The following SP100 variants were observed in gnomAD, a reference collection of about 807,000 sequenced individuals.
SP100 encodes SP100 nuclear body protein, also known as nuclear autoantigen Sp-100.
In SP100, 84 loss-of-function variants were observed where a neutral mutation model predicts 130.0. The ratio of observed to expected loss-of-function variants is 0.65; its 90% CI spans 0.54 to 0.77. The LOEUF (loss-of-function observed/expected upper bound fraction) is 0.77. SP100 is among the 30% of genes least tolerant of loss of function. The pLI, the probability that SP100 is intolerant of heterozygous loss-of-function variation, is 0.00. For synonymous variants in SP100, 331 were observed against 351.7 expected, an observed-to-expected ratio of 0.94 and a Z score of 0.66; for missense variants, 978 against 1,052.2, an observed-to-expected ratio of 0.93 and a Z score of 0.97.
chr2:230,449,675 C>G lies in SP100; in HGVS notation c.701C>G (p.Thr234Arg), dbSNP rs577953941. 1 of 1,614,144 alleles carries G rather than the reference C, an allele frequency of 6.2e-7. No homozygotes were observed. Among genetic ancestry groups the G allele is most frequent in the South Asian group, 1.1e-5 (1 of 91,084 alleles). ...DKDDSLGSQQTNEQCAQKAEP... is the reference protein window; with the variant it reads ...DKDDSLGSQQRNEQCAQKAEP... The stretch of plus-strand genomic sequence containing the variant: ...GATGATTCGCTAGGAAGCCAACAAA[C>G]AAATGAACAATGTGCTCAAAAGGCT... The change falls in exon 7 of 29, where the codon ACA becomes AGA. Residue 234 changes from threonine (T) to arginine (R), a missense_variant. Thr to Arg is a moderately conservative substitution (Grantham distance 71, BLOSUM62 -1). Coordinates refer to ENST00000340126, the MANE Select transcript of SP100 (RefSeq NM_001080391.2).
Position 230,446,893 on chromosome 2 carries a change from C to T in SP100, c.514C>T (p.Leu172Phe). ...GGAGAGGTCTGGCCTCCAACTAAGTCTTGAACAAGGTAAAAATGACAGAAT... is the reference window on the plus strand; with the variant it reads ...GGAGAGGTCTGGCCTCCAACTAAGTTTTGAACAAGGTAAAAATGACAGAAT... The part of the protein sequence containing the change: ...REERSGLQLS[L>F]EQGTGENSFR... The change falls in exon 5 of 29, where the codon CTT becomes TTT. Residue 172 changes from leucine (L) to phenylalanine (F), a missense_variant. Transcript: ENST00000340126. The T allele has an allele frequency of 6.2e-7, 1 of 1,603,536 alleles. No individual in the cohort carries two copies. The highest frequency in any genetic ancestry group is 8.5e-7 in the Non-Finnish European group (1 of 1,171,330).
At chr2:230,452,480 T>C (rs900467910) in intron 8 of SP100, among the ~76,000 whole-genome samples, 4 of 152,162 alleles carry the variant, frequency 2.6e-5, no homozygotes, top group African/African-American at 9.7e-5. Flanking sequence ...CTGGCCGCCA[T>C]TGGAATTTTT....
chr2:230,512,577 C>T (rs62193432), intron 24 of SP100, among the ~76,000 whole-genome samples: 24,815 of 151,976 alleles, frequency 0.16, 2,444 homozygotes, highest in Non-Finnish European at 0.22. Context: ...CATGAGCCAC[C>T]GCACTGGCCA....
chr2:230,461,935 C>A (rs2064667625), intron 9 of SP100, among the ~76,000 whole-genome samples: 1 of 142,920 alleles, frequency 7.0e-6, no homozygotes, highest in African/African-American at 2.6e-5. Flanking sequence ...GGCAACAGAG[C>A]AAGACTCTGT....
chr2:230,450,794 A>C (rs758841376), intron 8 of SP100, among the ~76,000 whole-genome samples: 2 of 152,218 alleles, frequency 1.3e-5, no homozygotes, highest in Non-Finnish European at 2.9e-5. Context: ...TGTTGCAAAT[A>C]ACAGGATTTC....
intron 2 of SP100, among the ~76,000 whole-genome samples, chr2:230,420,745 T>TAC (rs2062744726): frequency 6.6e-6 from 1 of 152,158 alleles, no homozygotes; most frequent in Non-Finnish European, 1.5e-5. Context: ...CATATATATA[T>TAC]ATATAGCTTA....
Position 230,502,926 on chromosome 2 carries a change from A to G in SP100, c.1721-140A>G, listed in dbSNP as rs1287561254. 4.9e-6 allele frequency: 3 copies of G among 606,864 alleles called. No individual in the cohort carries two copies. In the African/African-American group the frequency reaches 5.6e-5, roughly 11 times the overall value. 37.6% of individuals were successfully genotyped at this position (606,864 alleles called of 1,614,324 possible). A position where few individuals can be genotyped will look rare whatever the true frequency, so the allele number is the denominator to read the frequency against. ...TTAACTACTTACTATCTGTCCCTTT[A>G]CAAAAAAAGTTCCCGACTCCTGATA... On this transcript the variant is annotated intron_variant, in intron 19 of 28. Coordinates refer to ENST00000340126, the MANE Select transcript of SP100 (RefSeq NM_001080391.2).
chr2:230,463,835 C>T (rs941141683), intron 10 of SP100: 11 of 321,440 alleles, frequency 3.4e-5, no homozygotes, highest in South Asian at 6.3e-5. Flanking sequence ...GTAAAAGAAG[C>T]GTGGGAAAGC....
intron 17 of SP100, among the ~76,000 whole-genome samples, chr2:230,475,752 T>G (rs891747247): frequency 2.6e-5 from 4 of 152,212 alleles, no homozygotes; most frequent in African/African-American, 9.6e-5. Context: ...TTTTTCTTCG[T>G]ATGTCTAGCC....
intron 17 of SP100, among the ~76,000 whole-genome samples, chr2:230,485,915 T>C (rs539730414): frequency 6.6e-6 from 1 of 152,352 alleles, no homozygotes; most frequent in South Asian, 2.1e-4. Context: ...TGTCTTCTAT[T>C]CATTTTATGT....
At chr2:230,441,148 T>C (rs1485799181) in intron 2 of SP100, among the ~76,000 whole-genome samples, 1 of 152,244 alleles carries the variant, frequency 6.6e-6, no homozygotes, top group East Asian at 1.9e-4. Flanking sequence ...ATAATATAAA[T>C]GGGCCAAAGA....
At chr2:230,470,475 G>C in intron 15 of SP100, 1 of 938,868 alleles carries the variant, frequency 1.1e-6, no homozygotes, top group Non-Finnish European at 1.3e-6. Flanking sequence ...AAAGACAACT[G>C]TTCCTACTAT....
intron 6 of SP100, 112 bp downstream of exon 6, chr2:230,449,262 A>T: frequency 9.0e-7 from 1 of 1,105,558 alleles, no homozygotes; most frequent in Admixed American, 1.8e-5. Context: ...CAGGTTTTAC[A>T]TCTACAGTTT....
intron 2 of SP100, among the ~76,000 whole-genome samples, chr2:230,424,451 G>A (rs2062860231): frequency 6.6e-6 from 1 of 152,148 alleles, no homozygotes; most frequent in Non-Finnish European, 1.5e-5. Context: ...CGGATCACCT[G>A]AGGTCAGGAG....
At chr2:230,417,906 T>A (rs1162901874) in intron 2 of SP100, among the ~76,000 whole-genome samples, 3 of 152,214 alleles carry the variant, frequency 2.0e-5, no homozygotes, top group Non-Finnish European at 4.4e-5. Flanking sequence ...TATGGTGACT[T>A]TTATCTTATT....
intron 3 of SP100, among the ~76,000 whole-genome samples, chr2:230,443,802 A>G (rs2063568103): frequency 6.6e-6 from 1 of 152,174 alleles, no homozygotes; most frequent in South Asian, 2.1e-4. Context: ...CTTCAGGCCA[A>G]ATCAGTCTTG....
intron 8 of SP100, among the ~76,000 whole-genome samples, chr2:230,460,025 G>T (rs1473442887): frequency 1.3e-5 from 2 of 152,122 alleles, no homozygotes; most frequent in Non-Finnish European, 2.9e-5. Flanking sequence ...TTACTTACTG[G>T]AATTTGCCAA....
Position 230,545,348 on chromosome 2 carries a change from G to T in SP100, c.*2402G>T, listed in dbSNP as rs73101020. Among the ~76,000 whole-genome samples the T allele has an allele frequency of 0.026, 3,984 of 152,022 alleles. 177 individuals are homozygous for T. Among genetic ancestry groups the T allele is most frequent in the African/African-American group, 0.091 (3,762 of 41,488 alleles). On this transcript the variant is annotated 3_prime_UTR_variant, in exon 29 of 29. Transcript: ENST00000340126. ...CAGGAACAGAAAACCAAATACCACAGGTTCTCAGTTGTGAGTGGGAGCTAA... is the reference window on the plus strand; with the variant it reads ...CAGGAACAGAAAACCAAATACCACATGTTCTCAGTTGTGAGTGGGAGCTAA...
chr2:230,531,947 G>A (rs1398750442), intron 24 of SP100, among the ~76,000 whole-genome samples: 1 of 151,866 alleles, frequency 6.6e-6, no homozygotes, highest in Non-Finnish European at 1.5e-5. Flanking sequence ...TCATGTATTT[G>A]CTGTTTGTTC....
Sources: allele counts gnomAD v4.1 joint callset (sites outside exome capture counted in the v4.1 genomes callset), GRCh38; gene constraint gnomAD v4.1.1; transcripts MANE v1.5; gene names NCBI Gene and HGNC (gene_info 2026-07-23, HGNC 2026-07-21).